The following ANKRD36B variants were observed in gnomAD, a reference collection of about 807,000 sequenced individuals.
ANKRD36B encodes ankyrin repeat domain-containing protein 36B.
Under a neutral mutation model 135.7 loss-of-function variants are expected in ANKRD36B, and 37 were observed. That is an observed-to-expected ratio of 0.27 (90% confidence interval 0.21 to 0.36). The LOEUF is 0.36. Among genes scored for constraint, ANKRD36B ranks in the 10% least tolerant of loss-of-function variants. The pLI, the probability that ANKRD36B is intolerant of heterozygous loss-of-function variation, is 1.00. For missense variants in ANKRD36B, 549 were observed against 1,037.1 expected, an observed-to-expected ratio of 0.53 and a Z score of 6.46; for synonymous variants, 179 against 348.1, an observed-to-expected ratio of 0.51 and a Z score of 5.41.
intron 43 of ANKRD36B, among the ~76,000 whole-genome samples, chr2:97,496,833 G>GTGTA (rs373304719): frequency 0.014 from 885 of 61,914 alleles, 26 homozygotes; most frequent in African/African-American, 0.061. Flanking sequence ...ATATGTGTGT[G>GTGTA]TATATATATA....
chr2:97,559,996 A>G (rs1349116008), intron 8 of ANKRD36B, among the ~76,000 whole-genome samples: 2 of 151,896 alleles, frequency 1.3e-5, no homozygotes, highest in African/African-American at 4.8e-5. Context: ...CCTAATAGTA[A>G]CAAAGAGGAG....
intron 6 of ANKRD36B, among the ~76,000 whole-genome samples, chr2:97,575,797 C>T (rs1160332106): frequency 2.0e-5 from 3 of 152,024 alleles, no homozygotes; most frequent in African/African-American, 4.8e-5. Context: ...GAACACCTTA[C>T]ACTAGATTGA....
At chr2:97,556,014 G>C (rs1198752294) in intron 12 of ANKRD36B, among the ~76,000 whole-genome samples, 1 of 151,682 alleles carries the variant, frequency 6.6e-6, no homozygotes, top group African/African-American at 2.4e-5. Flanking sequence ...TTTTACATTT[G>C]GCTATCAGTC....
At chr2:97,580,340 TA>T (rs2082548949) in intron 4 of ANKRD36B, 121 bp downstream of exon 4, 1 of 832,714 alleles carries the variant, frequency 1.2e-6, no homozygotes, top group Non-Finnish European at 1.8e-6. Flanking sequence ...TATTTCTCAC[TA>T]TATCCCAGTA....
rs2079305182 is a variant in ANKRD36B at position 97,544,408 on chromosome 2, T to C, written c.1682-423A>G. On this transcript the variant is annotated intron_variant, in intron 24 of 43. Transcript: ENST00000359901. ...ACCATTATAGTACAAACATTCATCA[T>C]GCTCTTTAACTTGCCCAATAACTGA... Among the ~76,000 whole-genome samples the C allele has an allele frequency of 2.1e-5, 2 of 95,050 alleles. 1 individual carries two copies. The highest frequency in any genetic ancestry group is 6.3e-5 in the African/African-American group (2 of 31,908). 62.4% of individuals were successfully genotyped at this position (95,050 alleles called of 152,430 possible).
chr2:97,572,272 A>C (rs1207089266), intron 6 of ANKRD36B, among the ~76,000 whole-genome samples: 1 of 122,064 alleles, frequency 8.2e-6, no homozygotes, highest in Non-Finnish European at 1.9e-5. Context: ...ACAGCAAAAG[A>C]CTCAATCTCA....
chr2:97,555,039 A>T, intron 14 of ANKRD36B, 21 bp downstream of exon 14: 1 of 1,610,466 alleles, frequency 6.2e-7, no homozygotes, highest in Non-Finnish European at 8.5e-7. Flanking sequence ...ACATGACATT[A>T]AATGTGTTTT....
chr2:97,584,046 AT>A, intron 3 of ANKRD36B, among the ~76,000 whole-genome samples: 1 of 118,946 alleles, frequency 8.4e-6, no homozygotes, highest in Non-Finnish European at 1.7e-5. Context: ...TGATTTTACT[AT>A]TTATAAGCTC....
At position 97,513,208 on chromosome 2, in the gene ANKRD36B, A is replaced by C; in HGVS notation, c.2777T>G (p.Leu926Trp). 6.7e-7 allele frequency: 1 copy of C among 1,491,848 alleles called. No individual in the cohort carries two copies. Among genetic ancestry groups the C allele is most frequent in the Middle Eastern group, 2.4e-4 (1 of 4,088 alleles). The allele number at this position is 1,491,848 out of a possible 1,614,324, so 92.4% of individuals were successfully genotyped here. The part of the protein sequence containing the change: ...KPALKSAEVE[L>W]KTGGNNSNQV... The stretch of plus-strand genomic sequence containing the variant: ...ATTTGAATTATTTCCTCCTGTCTTC[A>C]ATTCCACCTCTGCTGATTTGAGAGC... Residue 926 changes from leucine (L) to tryptophan (W), a missense_variant, in exon 38 of 44, where the codon TTG (leucine) becomes TGG (tryptophan). Physicochemically the swap from Leu to Trp is moderately conservative, Grantham distance 61. Coordinates refer to ENST00000359901, the MANE Select transcript of ANKRD36B (RefSeq NM_001393939.1).
At chr2:97,556,858 C>T in intron 12 of ANKRD36B, 79 bp downstream of exon 12, 2 of 1,519,612 alleles carry the variant, frequency 1.3e-6, no homozygotes, top group Non-Finnish European at 1.8e-6. Context: ...TTCAATGACA[C>T]CCCACTGATC....
intron 6 of ANKRD36B, among the ~76,000 whole-genome samples, chr2:97,562,846 C>A (rs1400527416): frequency 6.6e-6 from 1 of 151,964 alleles, no homozygotes; most frequent in Non-Finnish European, 1.5e-5. Context: ...CAAAAGCAGC[C>A]CCATGGCCTC....
intron 6 of ANKRD36B, among the ~76,000 whole-genome samples, chr2:97,566,729 A>G (rs1030532066): frequency 1.3e-5 from 2 of 152,184 alleles, no homozygotes; most frequent in Non-Finnish European, 2.9e-5. Context: ...AGGTGCAGCT[A>G]GAACAGCAGT....
chr2:97,527,492 T>C lies in ANKRD36B; in HGVS notation c.2266-4025A>G, dbSNP rs1428835043. ...CCATCGAGACTAGGAAGAAACTGCATTAACTAACGAGCAAAATAACTAGCT... is the reference window on the plus strand; with the variant it reads ...CCATCGAGACTAGGAAGAAACTGCACTAACTAACGAGCAAAATAACTAGCT... On this transcript the variant is annotated intron_variant, in intron 35 of 43. Transcript: ENST00000359901. 6.6e-5 allele frequency among the ~76,000 whole-genome samples: 6 copies of C among 90,604 alleles called. 2 individuals are homozygous for C. Among genetic ancestry groups the C allele is most frequent in the Non-Finnish European group, 1.2e-4 (4 of 34,042 alleles). 59.4% of individuals were successfully genotyped at this position (90,604 alleles called of 152,430 possible). A position where few individuals can be genotyped will look rare whatever the true frequency, so the allele number is the denominator to read the frequency against.
rs1403746273 is a variant in ANKRD36B at position 97,542,189 on chromosome 2, G to C, written c.1784-82C>G. 2 of 769,732 alleles carry C rather than the reference G, an allele frequency of 2.6e-6. 1 individual carries two copies. Among genetic ancestry groups the C allele is most frequent in the African/African-American group, 3.7e-5 (2 of 53,684 alleles). The allele number at this position is 769,732 out of a possible 1,614,324, so 47.7% of individuals were successfully genotyped here. A position where few individuals can be genotyped will look rare whatever the true frequency, so the allele number is the denominator to read the frequency against. ...AACATTCATGCAGTGTTAGCATCAA[G>C]CTGCATCTGTCTGCAGTTATTAGTG... is the stretch of plus-strand genomic sequence containing the variant. On this transcript the variant is annotated intron_variant, in intron 26 of 43. Coordinates refer to ENST00000359901, the MANE Select transcript of ANKRD36B (RefSeq NM_001393939.1).
Position 97,538,187 on chromosome 2 carries a change from G to A in ANKRD36B, c.2070C>T (p.Gly690=), listed in dbSNP as rs764454667. Residue 690 remains glycine (G), a synonymous_variant, in exon 32 of 44, where the codon GGC becomes GGT. Coordinates refer to ENST00000359901, the MANE Select transcript of ANKRD36B (RefSeq NM_001393939.1). The part of the protein sequence containing the change: ...SLLNIATRIT[G]GGKSGTEYPE... ...AATTACCTGTTCCAGATTTCCCACC[G>A]CCCGTTATTCTTGTGGCAATATTCA... The A allele has an allele frequency of 1.6e-5, 20 of 1,279,390 alleles. 2 individuals carry two copies. Among genetic ancestry groups the A allele is most frequent in the South Asian group, 6.0e-5 (5 of 83,336 alleles). The allele number at this position is 1,279,390 out of a possible 1,614,324, so 79.3% of individuals were successfully genotyped here. A position where few individuals can be genotyped will look rare whatever the true frequency, so the allele number is the denominator to read the frequency against.
intron 5 of ANKRD36B, among the ~76,000 whole-genome samples, chr2:97,577,162 T>C (rs1433715874): frequency 6.7e-6 from 1 of 149,664 alleles, no homozygotes; most frequent in African/African-American, 2.5e-5. Context: ...AACTAACAGA[T>C]GTCAAGATCT....
chr2:97,528,389 G>A (rs1157875518), intron 35 of ANKRD36B, among the ~76,000 whole-genome samples: 3 of 94,234 alleles, frequency 3.2e-5, no homozygotes, highest in Admixed American at 2.8e-4. Context: ...GAATCTCTGG[G>A]ACACATTCAA....
intron 5 of ANKRD36B, 91 bp downstream of exon 5, chr2:97,578,815 A>T: frequency 2.7e-6 from 4 of 1,470,904 alleles, no homozygotes; most frequent in Non-Finnish European, 3.6e-6. Context: ...GAACCAAACT[A>T]TGCAATCTCA....
At chr2:97,555,382 T>G in intron 12 of ANKRD36B, 128 bp from the exon 13 acceptor site, 1 of 1,391,670 alleles carries the variant, frequency 7.2e-7, no homozygotes, top group Non-Finnish European at 9.8e-7. Context: ...TTTTTGTGTC[T>G]GGGGACTGGA....
Sources: gnomAD v4.1 joint callset for allele counts (sites outside exome capture counted in the v4.1 genomes callset) on GRCh38, gnomAD v4.1.1 for gene constraint, MANE v1.5 for transcripts, NCBI Gene and HGNC (gene_info 2026-07-23, HGNC 2026-07-21) for gene names.